Variants in RBFOX1 observed in about 807,000 individuals in gnomAD.
The protein encoded by RBFOX1 is RNA binding fox-1 homolog 1, also known as RNA binding protein fox-1 homolog 1.
In RBFOX1, 8 loss-of-function variants were observed where a neutral mutation model predicts 57.7. That is an observed-to-expected ratio of 0.14 (90% confidence interval 0.08 to 0.25). The LOEUF is 0.25. Among genes scored for constraint, RBFOX1 ranks in the 10% least tolerant of loss-of-function variants. The probability of loss-of-function intolerance (pLI) is 1.00; values close to 1 mark genes in which losing one functional copy is unlikely to be tolerated. For synonymous variants in RBFOX1, 326 were observed against 222.4 expected (o/e 1.47, Z -4.15); for missense variants, 611 against 548.5 (o/e 1.11, Z -1.14).
chr16:6,021,585 G>C (rs2095078776), intron 1 of RBFOX1, among the ~76,000 whole-genome samples: 1 of 152,188 alleles, frequency 6.6e-6, no homozygotes, highest in Admixed American at 6.5e-5. Flanking sequence ...CCCTCCGTTT[G>C]GAAGAATCCC....
intron 4 of RBFOX1, among the ~76,000 whole-genome samples, chr16:5,886,098 C>G (rs2057892587): frequency 6.6e-6 from 1 of 152,184 alleles, no homozygotes. Flanking sequence ...TAGCCTTCTG[C>G]CATGGTCATA....
At chr16:6,447,186 A>G (rs2094501685) in intron 2 of RBFOX1, among the ~76,000 whole-genome samples, 2 of 152,184 alleles carry the variant, frequency 1.3e-5, no homozygotes, top group East Asian at 1.9e-4. Context: ...TACATTTCCT[A>G]TCTGTGTTTG....
chr16:7,447,192 G>A (rs562211082), intron 4 of RBFOX1, among the ~76,000 whole-genome samples: 1 of 151,878 alleles, frequency 6.6e-6, no homozygotes, highest in Non-Finnish European at 1.5e-5. Flanking sequence ...CACACTTTGG[G>A]AGGCCAAGGC....
intron 4 of RBFOX1, among the ~76,000 whole-genome samples, chr16:7,077,966 G>C (rs888784980): frequency 1.3e-5 from 2 of 152,152 alleles, no homozygotes; most frequent in Non-Finnish European, 2.9e-5. Context: ...GTAAACTCAA[G>C]GGCTGTGCTG....
intron 2 of RBFOX1, among the ~76,000 whole-genome samples, chr16:5,520,286 T>A (rs1322484090): frequency 6.6e-6 from 1 of 152,188 alleles, no homozygotes; most frequent in African/African-American, 2.4e-5. Flanking sequence ...TAGAAAATTT[T>A]CATGTTCAGG....
intron 4 of RBFOX1, among the ~76,000 whole-genome samples, chr16:7,406,415 C>G (rs550338657): frequency 6.6e-6 from 1 of 152,166 alleles, no homozygotes; most frequent in African/African-American, 2.4e-5. Flanking sequence ...CGTATGGGAG[C>G]CTTGTTTTCA....
At position 6,491,089 on chromosome 16, in the gene RBFOX1, T is replaced by G. The variant is rs138449764; in HGVS notation, c.-63-163514T>G. The stretch of plus-strand genomic sequence containing the variant: ...ATCTATTAGTATGCAGTACTAAAAT[T>G]TAAATTATACGTGTATATATAGTTA... On this transcript the variant is annotated intron_variant, in intron 2 of 15. Transcript: ENST00000550418. Among the ~76,000 whole-genome samples, 1,390 of 152,174 alleles carry G rather than the reference T, an allele frequency of 9.1e-3. 11 individuals are homozygous for G. The highest frequency in any genetic ancestry group is 0.027 in the Middle Eastern group (8 of 294).
At chr16:7,083,515 A>G (rs1003916145) in intron 4 of RBFOX1, among the ~76,000 whole-genome samples, 3 of 152,142 alleles carry the variant, frequency 2.0e-5, no homozygotes, top group African/African-American at 4.8e-5. Context: ...GCCATGAAGT[A>G]TAGCCTGTGT....
intron 4 of RBFOX1, chr16:7,304,507 G>C (rs1393675614): frequency 1.0e-6 from 1 of 985,154 alleles, no homozygotes; most frequent in African/African-American, 1.7e-5. Context: ...GTCTGCCCTC[G>C]GTGGCTGCTT....
intron 4 of RBFOX1, among the ~76,000 whole-genome samples, chr16:6,010,200 C>CTGACCAAAGAGAGT (rs759232893): frequency 6.6e-6 from 1 of 152,136 alleles, no homozygotes; most frequent in Non-Finnish European, 1.5e-5. Context: ...CACCTGACAA[C>CTGACCAAAGAGAGT]TCTCTTTGGT....
chr16:5,969,742 C>T (rs2059926469), intron 4 of RBFOX1, among the ~76,000 whole-genome samples: 1 of 151,982 alleles, frequency 6.6e-6, no homozygotes, highest in African/African-American at 2.4e-5. Context: ...AAAATTGTCC[C>T]TTGCTGTCTG....
chr16:6,674,880 G>C (rs933294364), intron 3 of RBFOX1, among the ~76,000 whole-genome samples: 2 of 151,934 alleles, frequency 1.3e-5, no homozygotes. Flanking sequence ...TTACTGTTGT[G>C]TTTTTTGTTT....
At chr16:5,928,997 G>A (rs1325068899) in intron 4 of RBFOX1, among the ~76,000 whole-genome samples, 2 of 146,426 alleles carry the variant, frequency 1.4e-5, no homozygotes, top group Non-Finnish European at 3.0e-5. Flanking sequence ...TGGTCCCTAA[G>A]GCCACTTTCA....
intron 3 of RBFOX1, among the ~76,000 whole-genome samples, chr16:6,901,432 C>A (rs12597669): frequency 1.3e-5 from 2 of 151,936 alleles, no homozygotes; most frequent in African/African-American, 4.8e-5. Flanking sequence ...ACACAGAGTC[C>A]AAGAGGTCAA....
chr16:7,012,027 G>A (rs2093677687), intron 3 of RBFOX1, among the ~76,000 whole-genome samples: 1 of 152,058 alleles, frequency 6.6e-6, no homozygotes. Context: ...GTCACTGTAG[G>A]TCAAATCAGA....
chr16:7,104,267 C>T (rs2151425571), intron 4 of RBFOX1, among the ~76,000 whole-genome samples: 1 of 152,242 alleles, frequency 6.6e-6, no homozygotes, highest in East Asian at 1.9e-4. Context: ...ACCCTCTTCA[C>T]ACTCACACCC....
At chr16:6,825,988 T>C (rs554574366) in intron 3 of RBFOX1, among the ~76,000 whole-genome samples, 1 of 152,314 alleles carries the variant, frequency 6.6e-6, no homozygotes, top group East Asian at 1.9e-4. Context: ...GCAAAAATGT[T>C]GAACCTTCTT....
intron 4 of RBFOX1, among the ~76,000 whole-genome samples, chr16:7,246,958 A>C (rs1382415907): frequency 6.6e-6 from 1 of 152,154 alleles, no homozygotes; most frequent in Non-Finnish European, 1.5e-5. Context: ...AGTGTCTCCC[A>C]CATTAGGATA....
intron 3 of RBFOX1, among the ~76,000 whole-genome samples, chr16:6,963,453 T>C (rs1029962662): frequency 5.9e-5 from 9 of 152,318 alleles, no homozygotes; most frequent in Admixed American, 2.0e-4. Context: ...ACATAAGTTA[T>C]CTCATGCTGT....
Sources: allele counts gnomAD v4.1 joint callset (sites outside exome capture counted in the v4.1 genomes callset), GRCh38; gene constraint gnomAD v4.1.1; transcripts MANE v1.5; gene names NCBI Gene and HGNC (gene_info 2026-07-23, HGNC 2026-07-21).